TRIM42: variants seen among roughly 807,000 people sequenced by gnomAD.
The protein encoded by TRIM42 is tripartite motif-containing protein 42.
In TRIM42, 59 loss-of-function variants were observed where a neutral mutation model predicts 64.9. The ratio of observed to expected loss-of-function variants is 0.91; its 90% CI spans 0.74 to 1.13. The LOEUF is 1.13. Among genes scored for constraint, TRIM42 ranks in the 50% most tolerant of loss-of-function variants. TRIM42 has a pLI of 0.00. For missense variants in TRIM42, 878 were observed against 929.5 expected (o/e 0.94, Z 0.72); for synonymous variants, 354 against 346.3 (o/e 1.02, Z -0.25).
At position 140,701,082 on chromosome 3, in the gene TRIM42, CA is replaced by C; in HGVS notation, c.*111del. 1 of 929,054 alleles carries C rather than the reference CA, an allele frequency of 1.1e-6. No homozygotes were observed. The highest frequency in any genetic ancestry group is 2.8e-5 in the East Asian group (1 of 35,238). The allele number at this position is 929,054 out of a possible 1,614,324, so 57.6% of individuals were successfully genotyped here. The stretch of plus-strand genomic sequence containing the variant: ...CCACATTCTTCAAGGAGGTTGTAGA[CA>C]AATGTTTCCATGACCTCTCAGCTTT... On this transcript the variant is annotated 3_prime_UTR_variant, in exon 5 of 5. Transcript: ENST00000286349.
At chr3:140,690,054 T>C (rs1386355441) in intron 3 of TRIM42, among the ~76,000 whole-genome samples, 2 of 152,176 alleles carry the variant, frequency 1.3e-5, no homozygotes, top group African/African-American at 4.8e-5. Flanking sequence ...CTAAACCTAC[T>C]GCCAGACAGT....
chr3:140,696,251 G>A (rs1198376513), intron 4 of TRIM42, among the ~76,000 whole-genome samples: 1 of 152,084 alleles, frequency 6.6e-6, no homozygotes, highest in African/African-American at 2.4e-5. Flanking sequence ...TTTTCAATGT[G>A]TTATTAATTT....
At chr3:140,698,866 C>A (rs1046029071) in intron 4 of TRIM42, among the ~76,000 whole-genome samples, 1 of 152,058 alleles carries the variant, frequency 6.6e-6, no homozygotes, top group Non-Finnish European at 1.5e-5. Context: ...AATTCTATTT[C>A]TTTTTTCTTT....
At chr3:140,684,060 T>C (rs1988488127) in intron 2 of TRIM42, among the ~76,000 whole-genome samples, 1 of 152,182 alleles carries the variant, frequency 6.6e-6, no homozygotes, top group South Asian at 2.1e-4. Context: ...AAAAGATCCC[T>C]TTAGTGCCCT....
At position 140,679,206 on chromosome 3, in the gene TRIM42, G is replaced by A. The variant is rs543327430; in HGVS notation, c.341+636G>A. ...GAAAGAACTTCTATGGGGCACTTTT[G>A]ACCCTGCGGACCATATAAATACCCC... On this transcript the variant is annotated intron_variant, in intron 1 of 4. Coordinates refer to ENST00000286349, the MANE Select transcript of TRIM42 (RefSeq NM_152616.5). Among the ~76,000 whole-genome samples the A allele has an allele frequency of 3.9e-5, 6 of 152,206 alleles. No homozygotes were observed. The South Asian group carries it at 1.2e-3, about 32-fold the overall frequency.
intron 4 of TRIM42, 115 bp downstream of exon 4, chr3:140,691,307 C>T: frequency 3.4e-6 from 3 of 891,336 alleles, no homozygotes; most frequent in Non-Finnish European, 5.3e-6. Context: ...TTCCTCTAAG[C>T]ACAGAACATT....
chr3:140,689,119 G>A (rs774470500), intron 3 of TRIM42, among the ~76,000 whole-genome samples: 2 of 152,214 alleles, frequency 1.3e-5, no homozygotes, highest in African/African-American at 2.4e-5. Flanking sequence ...CTCTGTAAGT[G>A]CCATTGCCTG....
At chr3:140,698,384 T>C (rs1389429228) in intron 4 of TRIM42, among the ~76,000 whole-genome samples, 1 of 152,168 alleles carries the variant, frequency 6.6e-6, no homozygotes, top group African/African-American at 2.4e-5. Context: ...TTTTCCTACA[T>C]AGGTGCACAT....
At position 140,687,705 on chromosome 3, in the gene TRIM42, A is replaced by G; in HGVS notation, c.1040-17A>G. 6.3e-7 allele frequency: 1 copy of G among 1,581,572 alleles called. No homozygotes were observed. The highest frequency in any genetic ancestry group is 8.6e-7 in the Non-Finnish European group (1 of 1,164,808). ...GAGATGAAAATTTTAAAAGTAACTA[A>G]CTTGGCATTTTTGCAGTCCGATATG... On this transcript the variant is annotated splice_polypyrimidine_tract_variant and intron_variant, in intron 2 of 4. Coordinates refer to ENST00000286349, the MANE Select transcript of TRIM42 (RefSeq NM_152616.5).
intron 4 of TRIM42, among the ~76,000 whole-genome samples, chr3:140,698,464 T>C (rs977744316): frequency 1.3e-5 from 2 of 152,312 alleles, no homozygotes; most frequent in Admixed American, 1.3e-4. Flanking sequence ...TAATATTGTA[T>C]TGATAGAAAA....
At chr3:140,689,714 C>T (rs115152595) in intron 3 of TRIM42, among the ~76,000 whole-genome samples, 8 of 151,610 alleles carry the variant, frequency 5.3e-5, no homozygotes, top group African/African-American at 1.2e-4. Flanking sequence ...CATGAGCTAT[C>T]GACATGATGA....
intron 4 of TRIM42, 85 bp from the exon 5 acceptor site, chr3:140,700,803 T>C (rs989462992): frequency 1.7e-6 from 2 of 1,176,952 alleles, no homozygotes; most frequent in African/African-American, 3.1e-5. Flanking sequence ...TGAAATGATG[T>C]GTGTAGTGTC....
intron 3 of TRIM42, among the ~76,000 whole-genome samples, chr3:140,689,537 G>A (rs1257956879): frequency 1.3e-5 from 2 of 152,082 alleles, no homozygotes; most frequent in African/African-American, 4.8e-5. Context: ...TCCAGGTACT[G>A]CCAATGCTGC....
chr3:140,694,315 T>TA (rs1327103531), intron 4 of TRIM42, among the ~76,000 whole-genome samples: 2 of 152,240 alleles, frequency 1.3e-5, no homozygotes, highest in Non-Finnish European at 2.9e-5. Flanking sequence ...GTGTTGGTCT[T>TA]ACACACCCTT....
rs577115807 is a variant in TRIM42, at chr3:140,690,293, T to C, written c.1861-675T>C. Among the ~76,000 whole-genome samples, 3 of 152,122 alleles carry C rather than the reference T, an allele frequency of 2.0e-5. No individual in the cohort carries two copies. The South Asian group carries it at 6.2e-4, about 32-fold the overall frequency. On this transcript the variant is annotated intron_variant, in intron 3 of 4. Coordinates refer to ENST00000286349, the MANE Select transcript of TRIM42 (RefSeq NM_152616.5). ...AAACTCAGTTTTAGTTCTAGGAATC[T>C]CTTCCAAGAAAATTATTAAAAATTC...
chr3:140,687,746 T>A lies in TRIM42; in HGVS notation c.1064T>A (p.Leu355Gln). The A allele has an allele frequency of 6.2e-7, 1 of 1,612,516 alleles. No individual in the cohort carries two copies. The highest frequency in any genetic ancestry group is 8.5e-7 in the Non-Finnish European group (1 of 1,179,550). Reference sequence around the variant, plus strand: ...GTCCGATATGAAATTGATAATGACCTAATGGAATTCAACATCTTAAAAAAC... The same window carrying A: ...GTCCGATATGAAATTGATAATGACCAAATGGAATTCAACATCTTAAAAAAC... ...KAVRYEIDND[L>Q]MEFNILKNSF... is the part of the protein sequence containing the mutation. The change falls in exon 3 of 5, where the codon CTA becomes CAA. Residue 355 changes from leucine (L) to glutamine (Q), a missense_variant. Leu to Gln is a moderately radical substitution (Grantham distance 113). Transcript: ENST00000286349.
At chr3:140,679,345 C>T (rs1988300170) in intron 1 of TRIM42, among the ~76,000 whole-genome samples, 1 of 152,180 alleles carries the variant, frequency 6.6e-6, no homozygotes, top group Non-Finnish European at 1.5e-5. Flanking sequence ...ACATTATCCT[C>T]ACCTGCTCTA....
intron 2 of TRIM42, among the ~76,000 whole-genome samples, chr3:140,683,497 G>A (rs917584330): frequency 1.3e-5 from 2 of 152,190 alleles, no homozygotes; most frequent in Non-Finnish European, 2.9e-5. Flanking sequence ...CTATAATCTT[G>A]ATTATAATCT....
At chr3:140,693,515 A>G (rs1252740336) in intron 4 of TRIM42, among the ~76,000 whole-genome samples, 1 of 152,244 alleles carries the variant, frequency 6.6e-6, no homozygotes, top group Non-Finnish European at 1.5e-5. Flanking sequence ...GATTTGCATA[A>G]GTAAAGCCTT....
Sources: allele counts gnomAD v4.1 joint callset (sites outside exome capture counted in the v4.1 genomes callset), GRCh38; gene constraint gnomAD v4.1.1; transcripts MANE v1.5; gene names NCBI Gene and HGNC (gene_info 2026-07-23, HGNC 2026-07-21).